The following FRMD4A variants were observed in gnomAD, a reference collection of about 807,000 sequenced individuals.
The protein encoded by FRMD4A is FERM domain-containing protein 4A.
FRMD4A carries 29 observed loss-of-function variants against 129.1 expected under a neutral mutation model. The ratio of observed to expected loss-of-function variants is 0.22; its 90% CI spans 0.17 to 0.31. FRMD4A has a LOEUF of 0.31. Ranked by LOEUF, FRMD4A falls within the 10% of genes least tolerant of loss-of-function variation. FRMD4A has a pLI of 1.00. For missense variants in FRMD4A, 1,272 were observed against 1,375.8 expected (o/e 0.92, Z 1.19); for synonymous variants, 634 against 571.6 (o/e 1.11, Z -1.56).
chr10:13,906,460 T>C lies in FRMD4A; in HGVS notation c.46-47548A>G, dbSNP rs150458417. Among the ~76,000 whole-genome samples the C allele has an allele frequency of 5.5e-3, 842 of 152,290 alleles. 6 individuals carry two copies. The highest frequency in any genetic ancestry group is 0.02 in the African/African-American group (813 of 41,572). On this transcript the variant is annotated intron_variant, in intron 2 of 24. Coordinates refer to ENST00000357447, the MANE Select transcript of FRMD4A (RefSeq NM_018027.5). The stretch of plus-strand genomic sequence containing the variant: ...CATCTCAGATTCCTACTCATAGGCA[T>C]GCTATGAGGGTTGCATTGTGTAATG...
chr10:14,072,990 G>T (rs139991341), intron 2 of FRMD4A, among the ~76,000 whole-genome samples: 1 of 152,078 alleles, frequency 6.6e-6, no homozygotes, highest in Non-Finnish European at 1.5e-5. Context: ...TAATTCATAT[G>T]AAAGGAAAGA....
chr10:13,683,539 C>G (rs2084800138), intron 15 of FRMD4A, among the ~76,000 whole-genome samples: 1 of 151,996 alleles, frequency 6.6e-6, no homozygotes, highest in Admixed American at 6.5e-5. Flanking sequence ...TGAGAGTACA[C>G]TGAGCTATGC....
intron 2 of FRMD4A, among the ~76,000 whole-genome samples, chr10:14,300,444 T>G (rs1486176119): frequency 1.3e-5 from 2 of 152,164 alleles, no homozygotes; most frequent in African/African-American, 2.4e-5. Context: ...CCACTCTTAC[T>G]TATTTGTTTC....
At chr10:13,989,289 C>G (rs549432001) in intron 2 of FRMD4A, among the ~76,000 whole-genome samples, 1 of 152,136 alleles carries the variant, frequency 6.6e-6, no homozygotes, top group African/African-American at 2.4e-5. Flanking sequence ...CATGTTGATT[C>G]TTCTGAACAA....
chr10:13,879,855 A>AAACTCCTGCTATTT (rs1394179068), intron 2 of FRMD4A, among the ~76,000 whole-genome samples: 14 of 148,344 alleles, frequency 9.4e-5, no homozygotes, highest in African/African-American at 3.5e-4. Context: ...TATTTGACCC[A>AAACTCCTGCTATTT]GGCTGCTCTC....
At chr10:13,963,700 A>G (rs2095462853) in intron 2 of FRMD4A, among the ~76,000 whole-genome samples, 1 of 152,248 alleles carries the variant, frequency 6.6e-6, no homozygotes, top group Admixed American at 6.5e-5. Flanking sequence ...ATAAAGAAGA[A>G]AACACACAAA....
At chr10:14,213,039 C>T (rs746927095) in intron 2 of FRMD4A, among the ~76,000 whole-genome samples, 42 of 152,096 alleles carry the variant, frequency 2.8e-4, no homozygotes, top group Non-Finnish European at 8.8e-5. Context: ...GAGTTTGAAA[C>T]CAGCTGTGGC....
In FRMD4A at chr10:13,870,075, G is replaced by A. The variant is rs147595086; in HGVS notation, c.46-11163C>T. 9.5e-3 allele frequency among the ~76,000 whole-genome samples: 1,451 copies of A among 152,324 alleles called. 28 individuals carry two copies. Among genetic ancestry groups the A allele is most frequent in the African/African-American group, 0.033 (1,381 of 41,576 alleles). ...GAGCCTAATCCTTACAAAGGAAAGG[G>A]AGCTGGGAATCTGGATCAGAGAGGG... On this transcript the variant is annotated intron_variant, in intron 2 of 24. Transcript: ENST00000357447.
intron 8 of FRMD4A, among the ~76,000 whole-genome samples, chr10:13,761,434 C>A (rs17153946): frequency 0.026 from 4,011 of 152,306 alleles, 77 homozygotes; most frequent in Middle Eastern, 0.065. Context: ...AATCTCCGGG[C>A]TTTGCATGTA....
intron 17 of FRMD4A, among the ~76,000 whole-genome samples, chr10:13,666,991 A>T (rs1487253329): frequency 2.8e-5 from 4 of 144,580 alleles, no homozygotes; most frequent in African/African-American, 1.0e-4. Context: ...TGCTCACTGT[A>T]ACCACTGCTT....
intron 3 of FRMD4A, among the ~76,000 whole-genome samples, chr10:13,858,165 G>T (rs940174079): frequency 1.3e-5 from 2 of 152,194 alleles, no homozygotes; most frequent in African/African-American, 4.8e-5. Flanking sequence ...CAGGCACAGT[G>T]GCTCATGTCT....
At chr10:14,089,475 C>A (rs1197836951) in intron 2 of FRMD4A, among the ~76,000 whole-genome samples, 1 of 152,118 alleles carries the variant, frequency 6.6e-6, no homozygotes, top group East Asian at 1.9e-4. Flanking sequence ...GCATGCTGGG[C>A]ACAGGGCCAG....
At chr10:13,789,156 T>C (rs1305753224) in intron 5 of FRMD4A, among the ~76,000 whole-genome samples, 2 of 152,236 alleles carry the variant, frequency 1.3e-5, no homozygotes, top group African/African-American at 4.8e-5. Flanking sequence ...AGAATCTCAA[T>C]GCCTCTAAAA....
At chr10:13,706,331 G>A (rs1363571487) in intron 13 of FRMD4A, among the ~76,000 whole-genome samples, 5 of 152,104 alleles carry the variant, frequency 3.3e-5, no homozygotes, top group African/African-American at 7.2e-5. Context: ...GACAAAGAGA[G>A]GAAAACAGTG....
intron 2 of FRMD4A, among the ~76,000 whole-genome samples, chr10:14,180,179 C>A (rs1409033818): frequency 6.6e-6 from 1 of 152,154 alleles, no homozygotes; most frequent in Non-Finnish European, 1.5e-5. Flanking sequence ...TATTGAGCAT[C>A]AGCTTTGTTC....
At chr10:13,660,095 A>AT (rs1425578706) in intron 20 of FRMD4A, among the ~76,000 whole-genome samples, 2 of 152,204 alleles carry the variant, frequency 1.3e-5, no homozygotes, top group Non-Finnish European at 2.9e-5. Context: ...CATCACGTTG[A>AT]TTGTGGGCCA....
chr10:14,235,121 T>C (rs1016001208), intron 2 of FRMD4A, among the ~76,000 whole-genome samples: 4 of 150,120 alleles, frequency 2.7e-5, no homozygotes, highest in Non-Finnish European at 4.4e-5. Context: ...GTCTGTGTTA[T>C]GTCAAAGGCA....
At chr10:14,024,426 T>C (rs1400984218) in intron 2 of FRMD4A, among the ~76,000 whole-genome samples, 1 of 152,212 alleles carries the variant, frequency 6.6e-6, no homozygotes, top group East Asian at 1.9e-4. Flanking sequence ...TCATGATGAA[T>C]GTCCCGATTT....
At chr10:13,754,384 C>A (rs1475833629) in intron 8 of FRMD4A, among the ~76,000 whole-genome samples, 1 of 152,088 alleles carries the variant, frequency 6.6e-6, no homozygotes, top group Non-Finnish European at 1.5e-5. Context: ...GACTTTAGTG[C>A]ACAAAACAAA....
Sources: gnomAD v4.1 joint callset for allele counts (sites outside exome capture counted in the v4.1 genomes callset) on GRCh38, gnomAD v4.1.1 for gene constraint, MANE v1.5 for transcripts, NCBI Gene and HGNC (gene_info 2026-07-23, HGNC 2026-07-21) for gene names.